Variants in PPP1R12B observed in about 807,000 individuals in gnomAD.
The protein encoded by PPP1R12B is protein phosphatase 1 regulatory subunit 12B.
PPP1R12B carries 76 observed loss-of-function variants against 126.1 expected under a neutral mutation model. The ratio of observed to expected loss-of-function variants is 0.60; its 90% CI spans 0.50 to 0.73. The LOEUF is 0.73. PPP1R12B is among the 30% of genes least tolerant of loss of function. The pLI, the probability that PPP1R12B is intolerant of heterozygous loss-of-function variation, is 0.00. For synonymous variants in PPP1R12B, 356 were observed against 434.7 expected, an observed-to-expected ratio of 0.82 and a Z score of 2.25; for missense variants, 1,052 against 1,205.1, an observed-to-expected ratio of 0.87 and a Z score of 1.88.
At chr1:202,473,043 C>CAGTTAATT (rs1676146602) in intron 13 of PPP1R12B, among the ~76,000 whole-genome samples, 1 of 152,128 alleles carries the variant, frequency 6.6e-6, no homozygotes, top group Non-Finnish European at 1.5e-5. Flanking sequence ...CATTTGGGGC[C>CAGTTAATT]AGTTAATTAT....
chr1:202,429,144 A>G (rs1388203669), intron 6 of PPP1R12B, among the ~76,000 whole-genome samples: 1 of 152,214 alleles, frequency 6.6e-6, no homozygotes, highest in Non-Finnish European at 1.5e-5. Flanking sequence ...TCATTATAAG[A>G]TAGCCTTCAA....
chr1:202,523,023 A>G (rs7522991), intron 18 of PPP1R12B, among the ~76,000 whole-genome samples: 66,056 of 152,052 alleles, frequency 0.43, 15,699 homozygotes, highest in East Asian at 0.71. Flanking sequence ...GAACATAAAG[A>G]ATTTGAACAG....
At chr1:202,549,477 T>C (rs376034712) in intron 18 of PPP1R12B, among the ~76,000 whole-genome samples, 3 of 151,522 alleles carry the variant, frequency 2.0e-5, no homozygotes, top group African/African-American at 7.3e-5. Flanking sequence ...TGGAGTGCAG[T>C]GGCGTGATCT....
chr1:202,439,030 G>A (rs1304009633), intron 10 of PPP1R12B: 2 of 1,378,812 alleles, frequency 1.5e-6, no homozygotes, highest in Non-Finnish European at 2.1e-6. Context: ...CCCACTACCA[G>A]TGGGCGGACT....
At chr1:202,456,620 G>A (rs1415510515) in intron 13 of PPP1R12B, among the ~76,000 whole-genome samples, 1 of 152,186 alleles carries the variant, frequency 6.6e-6, no homozygotes, top group African/African-American at 2.4e-5. Context: ...AAATCTCAAA[G>A]GGTTCATGAA....
chr1:202,490,066 G>A (rs1432562189), intron 14 of PPP1R12B, among the ~76,000 whole-genome samples: 1 of 152,178 alleles, frequency 6.6e-6, no homozygotes, highest in Non-Finnish European at 1.5e-5. Flanking sequence ...AATTACAAGG[G>A]TATGAAATCA....
chr1:202,491,118 T>C (rs1473458374), intron 14 of PPP1R12B, among the ~76,000 whole-genome samples: 3 of 152,132 alleles, frequency 2.0e-5, no homozygotes, highest in African/African-American at 7.2e-5. Flanking sequence ...TCCTCACCAA[T>C]ATTTTTGTTG....
chr1:202,439,299 G>T, intron 10 of PPP1R12B: 1 of 1,420,938 alleles, frequency 7.0e-7, no homozygotes, highest in Non-Finnish European at 9.9e-7. Context: ...TGAGTACAGT[G>T]AGGCCATCTC....
intron 13 of PPP1R12B, among the ~76,000 whole-genome samples, chr1:202,464,414 C>G (rs1208509901): frequency 6.6e-6 from 1 of 152,172 alleles, no homozygotes; most frequent in Non-Finnish European, 1.5e-5. Context: ...GTGAAGCTAG[C>G]AAAGACCGTT....
intron 1 of PPP1R12B, among the ~76,000 whole-genome samples, chr1:202,381,143 C>T (rs571520492): frequency 7.9e-5 from 12 of 152,176 alleles, no homozygotes; most frequent in Admixed American, 2.0e-4. Flanking sequence ...TACATACATA[C>T]GTACTTTTCA....
intron 1 of PPP1R12B, among the ~76,000 whole-genome samples, chr1:202,390,428 G>T (rs545269188): frequency 6.6e-6 from 1 of 152,042 alleles, no homozygotes. Context: ...TTAGCAAAAG[G>T]TTCTTAGATA....
In PPP1R12B at chr1:202,591,341, G is replaced by A. The variant is rs1355301355; in HGVS notation, c.*10781G>A. The A allele has an allele frequency of 6.6e-6, 1 of 151,792 alleles. No homozygotes were observed. The highest frequency in any genetic ancestry group is 1.5e-5 in the Non-Finnish European group (1 of 67,760). The allele number at this position is 151,792 out of a possible 1,614,324, so 9.4% of individuals were successfully genotyped here. On this transcript the variant is annotated 3_prime_UTR_variant, in exon 24 of 24. Transcript: ENST00000608999. ...CAGTTGCCAGGCCTGAGGCATCCTG[G>A]GCTCTTCCCATGCAGTACTGCCCTC...
chr1:202,539,104 G>A (rs1316438562), intron 18 of PPP1R12B, among the ~76,000 whole-genome samples: 1 of 152,168 alleles, frequency 6.6e-6, no homozygotes, highest in East Asian at 1.9e-4. Flanking sequence ...GCCTGAAGGT[G>A]CTTTGACTAA....
At chr1:202,416,128 G>A (rs1050733463) in intron 1 of PPP1R12B, among the ~76,000 whole-genome samples, 1 of 152,112 alleles carries the variant, frequency 6.6e-6, no homozygotes, top group African/African-American at 2.4e-5. Flanking sequence ...TCAGTGTTTT[G>A]TAACATACTT....
intron 8 of PPP1R12B, among the ~76,000 whole-genome samples, chr1:202,432,692 A>G (rs1040949177): frequency 6.6e-6 from 1 of 152,222 alleles, no homozygotes; most frequent in African/African-American, 2.4e-5. Context: ...TCAGGCAAAC[A>G]CTGAGAAAAG....
At chr1:202,560,982 T>C (rs1387478260) in intron 19 of PPP1R12B, among the ~76,000 whole-genome samples, 1 of 151,732 alleles carries the variant, frequency 6.6e-6, no homozygotes, top group African/African-American at 2.4e-5. Context: ...CTGCACATTG[T>C]GCACATGTAC....
At position 202,584,443 on chromosome 1, in the gene PPP1R12B, T is replaced by G. The variant is rs1408467224; in HGVS notation, c.*3883T>G. On this transcript the variant is annotated 3_prime_UTR_variant, in exon 24 of 24. Coordinates refer to ENST00000608999, the MANE Select transcript of PPP1R12B (RefSeq NM_002481.4). ...TAATGGTCTGTGGATCCCACGAAAG[T>G]GTGTGTAAACTACTGACTGTTTCTC... 1 of 152,258 alleles carries G rather than the reference T, an allele frequency of 6.6e-6. No homozygotes were observed. The highest frequency in any genetic ancestry group is 2.4e-5 in the African/African-American group (1 of 41,456). 9.4% of individuals were successfully genotyped at this position (152,258 alleles called of 1,614,324 possible).
At chr1:202,570,781 C>A (rs192663784) in intron 23 of PPP1R12B, among the ~76,000 whole-genome samples, 65 of 152,322 alleles carry the variant, frequency 4.3e-4, no homozygotes, top group Non-Finnish European at 7.8e-4. Flanking sequence ...TCTCATCCTC[C>A]CGAATAGCTG....
intron 1 of PPP1R12B, among the ~76,000 whole-genome samples, chr1:202,405,399 A>T (rs2148578025): frequency 6.6e-6 from 1 of 152,306 alleles, no homozygotes; most frequent in South Asian, 2.1e-4. Flanking sequence ...GCTTATATTC[A>T]TATTTAAGTA....
Sources: gnomAD v4.1 joint callset for allele counts (sites outside exome capture counted in the v4.1 genomes callset) on GRCh38, gnomAD v4.1.1 for gene constraint, MANE v1.5 for transcripts, NCBI Gene and HGNC (gene_info 2026-07-23, HGNC 2026-07-21) for gene names.